The following CCNY variants were observed in gnomAD, a reference collection of about 807,000 sequenced individuals.
The protein encoded by CCNY is cyclin Y, also known as cyclin-Y.
A neutral mutation model predicts 42.8 loss-of-function variants in CCNY; 19 were observed. The observed-to-expected ratio is 0.44, with a 90% CI of 0.31 to 0.65. CCNY has a LOEUF of 0.65. CCNY is among the 30% of genes least tolerant of loss of function. The probability of loss-of-function intolerance (pLI) is 0.07; values close to 1 mark genes in which losing one functional copy is unlikely to be tolerated. For synonymous variants in CCNY, 165 were observed against 162.7 expected (o/e 1.01, Z -0.11); for missense variants, 370 against 437.3 (o/e 0.85, Z 1.37).
chr10:35,458,555 A>C (rs1241219625), intron 1 of CCNY, among the ~76,000 whole-genome samples: 1 of 152,238 alleles, frequency 6.6e-6, no homozygotes, highest in Non-Finnish European at 1.5e-5. Context: ...TCTCTTAGGC[A>C]CTGAGGATTT....
chr10:35,379,408 G>T, intron 1 of CCNY, among the ~76,000 whole-genome samples: 1 of 152,164 alleles, frequency 6.6e-6, no homozygotes, highest in East Asian at 1.9e-4. Context: ...GGTGGGGCCT[G>T]AAAACAGCAG....
chr10:35,400,213 C>T (rs965708442), intron 1 of CCNY, among the ~76,000 whole-genome samples: 8 of 142,514 alleles, frequency 5.6e-5, no homozygotes, highest in South Asian at 2.2e-4. Flanking sequence ...ATACTAAAAA[C>T]GGCTTCTAGT....
chr10:35,562,606 A>G (rs1170486290), intron 8 of CCNY, among the ~76,000 whole-genome samples: 2 of 152,094 alleles, frequency 1.3e-5, no homozygotes, highest in Non-Finnish European at 2.9e-5. Flanking sequence ...ACTTGCCAAT[A>G]ATGTCCTCAG....
intron 3 of CCNY, among the ~76,000 whole-genome samples, chr10:35,251,499 T>G (rs1306063126): frequency 2.0e-5 from 3 of 152,152 alleles, no homozygotes; most frequent in Admixed American, 2.0e-4. Context: ...TAAAGTAACA[T>G]GACTGCAGAT....
chr10:35,487,059 T>C (rs1839802385), intron 2 of CCNY, among the ~76,000 whole-genome samples: 1 of 152,246 alleles, frequency 6.6e-6, no homozygotes, highest in African/African-American at 2.4e-5. Flanking sequence ...TGGATGTCAG[T>C]ATTCCTTGTG....
intron 3 of CCNY, among the ~76,000 whole-genome samples, chr10:35,318,697 T>C (rs1285659389): frequency 6.6e-6 from 1 of 152,064 alleles, no homozygotes; most frequent in African/African-American, 2.4e-5. Context: ...TGTTGGTCTA[T>C]TGGTCATTTA....
intron 1 of CCNY, among the ~76,000 whole-genome samples, chr10:35,390,056 G>A (rs1332607295): frequency 4.6e-5 from 7 of 152,166 alleles, no homozygotes; most frequent in African/African-American, 1.4e-4. Flanking sequence ...TCATTGGCTC[G>A]CTTTTAAGGA....
chr10:35,326,408 G>A (rs908539104), intron 3 of CCNY, among the ~76,000 whole-genome samples: 1 of 152,198 alleles, frequency 6.6e-6, no homozygotes, highest in Admixed American at 6.5e-5. Context: ...GGATGGAACC[G>A]AAGTGACTAG....
chr10:35,414,836 C>T (rs1346883845), intron 1 of CCNY, among the ~76,000 whole-genome samples: 2 of 152,102 alleles, frequency 1.3e-5, no homozygotes, highest in African/African-American at 2.4e-5. Flanking sequence ...GTTAGGGTAA[C>T]AGTCTGGTTG....
At chr10:35,441,439 T>A (rs1044410618) in intron 1 of CCNY, among the ~76,000 whole-genome samples, 3 of 152,248 alleles carry the variant, frequency 2.0e-5, no homozygotes, top group Admixed American at 1.3e-4. Flanking sequence ...ATTATTACTA[T>A]GCTTTAGCTT....
chr10:35,358,177 C>G (rs1836601299), intron 1 of CCNY, among the ~76,000 whole-genome samples: 1 of 151,330 alleles, frequency 6.6e-6, no homozygotes, highest in Admixed American at 6.6e-5. Context: ...AACATCTGTA[C>G]TCATTCATGA....
chr10:35,372,065 T>A (rs1435659677), intron 1 of CCNY, among the ~76,000 whole-genome samples: 2 of 152,182 alleles, frequency 1.3e-5, no homozygotes, highest in Non-Finnish European at 2.9e-5. Flanking sequence ...GTACTGTGTT[T>A]TATATTTACA....
chr10:35,298,764 G>A (rs954323531), intron 3 of CCNY, among the ~76,000 whole-genome samples: 2 of 152,152 alleles, frequency 1.3e-5, no homozygotes, highest in African/African-American at 2.4e-5. Flanking sequence ...TTCATGTGGT[G>A]CTGCACTTCA....
intron 3 of CCNY, among the ~76,000 whole-genome samples, chr10:35,318,735 T>C (rs1249457917): frequency 1.3e-5 from 2 of 151,764 alleles, no homozygotes; most frequent in Non-Finnish European, 2.9e-5. Context: ...ATTCGAGTGG[T>C]AGAACAATAA....
intron 3 of CCNY, among the ~76,000 whole-genome samples, chr10:35,274,652 C>T (rs775169561): frequency 2.1e-4 from 32 of 152,208 alleles, no homozygotes; most frequent in Middle Eastern, 3.4e-3. Context: ...CCAGATGGCC[C>T]GGGTCCCTTT....
intron 3 of CCNY, among the ~76,000 whole-genome samples, chr10:35,270,418 T>C (rs372928646): frequency 3.3e-5 from 5 of 152,330 alleles, no homozygotes; most frequent in African/African-American, 1.2e-4. Context: ...GAATTACCAA[T>C]GTGTCCTCCA....
chr10:35,547,606 C>T (rs925078924), intron 7 of CCNY, among the ~76,000 whole-genome samples: 4 of 152,126 alleles, frequency 2.6e-5, no homozygotes, highest in Non-Finnish European at 4.4e-5. Context: ...TATTTGTGGT[C>T]GTTTTACTAG....
intron 1 of CCNY, among the ~76,000 whole-genome samples, chr10:35,466,399 G>T (rs547384832): frequency 1.6e-4 from 25 of 152,312 alleles, no homozygotes; most frequent in African/African-American, 5.3e-4. Flanking sequence ...GGAGCAGAAA[G>T]TGTGCGGTGA....
chr10:35,521,292 T>C (rs1013128668), intron 4 of CCNY, among the ~76,000 whole-genome samples: 3 of 152,214 alleles, frequency 2.0e-5, no homozygotes, highest in Non-Finnish European at 2.9e-5. Context: ...TTGGCAGAGC[T>C]GACCAAGCCT....
Sources: allele counts gnomAD v4.1 joint callset (sites outside exome capture counted in the v4.1 genomes callset), GRCh38; gene constraint gnomAD v4.1.1; transcripts MANE v1.5; gene names NCBI Gene and HGNC (gene_info 2026-07-23, HGNC 2026-07-21).